The following SMIM9 variants were observed in gnomAD, a reference collection of about 807,000 sequenced individuals.
SMIM9 encodes chromosome X open reading frame 68.
Under a neutral mutation model 7.2 loss-of-function variants are expected in SMIM9, and 8 were observed. The observed-to-expected ratio is 1.10, with a 90% CI of 0.65 to 1.99. The LOEUF (loss-of-function observed/expected upper bound fraction) is 1.99. Ranked by LOEUF, SMIM9 falls within the 30% of genes most tolerant of loss-of-function variation. The pLI is 0.00. For missense variants in SMIM9, 76 were observed against 69.3 expected (o/e 1.10, Z -0.34); for synonymous variants, 19 against 26.4 (o/e 0.72, Z 0.86).
At chrX:154,825,281 A>G (rs1298082304) in intron 4 of SMIM9, among the ~76,000 whole-genome samples, 1 of 109,966 alleles carries the variant, frequency 9.1e-6, no homozygotes, top group Non-Finnish European at 1.9e-5. Context: ...AATCCCAGCT[A>G]CTCAGGAGGC....
At chrX:154,828,634 G>C (rs1211059371) in intron 4 of SMIM9, among the ~76,000 whole-genome samples, 8 of 111,713 alleles carry the variant, frequency 7.2e-5, no homozygotes, top group Admixed American at 1.9e-4. Flanking sequence ...CTGGCTTATG[G>C]TTTCTCTGGC....
At chrX:154,832,219 G>A (rs1424903896) in intron 2 of SMIM9, among the ~76,000 whole-genome samples, 2 of 111,220 alleles carry the variant, frequency 1.8e-5, no homozygotes, top group Non-Finnish European at 3.8e-5. Context: ...CATCCTTGAA[G>A]TTAGGCATGG....
At chrX:154,824,355 C>CAAAAAAAAAAAAAAAAAAAAAAAAA (rs375492512) in intron 4 of SMIM9, among the ~76,000 whole-genome samples, 1 of 42,445 alleles carries the variant, frequency 2.4e-5, no homozygotes, top group Admixed American at 3.7e-4. Context: ...GACTCCGTCT[C>CAAAAAAAAAAAAAAAAAAAAAAAAA]AAAAAAAAAA....
chrX:154,831,481 T>C (rs1422993968), intron 2 of SMIM9, among the ~76,000 whole-genome samples: 2 of 112,071 alleles, frequency 1.8e-5, no homozygotes, highest in Middle Eastern at 4.2e-3. Flanking sequence ...ACTTTATCCA[T>C]CAGAAAAGTC....
chrX:154,828,994 C>T (rs1309474530), intron 4 of SMIM9, among the ~76,000 whole-genome samples: 2 of 111,894 alleles, frequency 1.8e-5, no homozygotes, highest in Admixed American at 9.5e-5. Context: ...TAGCAATGAC[C>T]TACCAATTTG....
At position 154,829,632 on chromosome X, in the gene SMIM9, C is replaced by A; in HGVS notation, c.175G>T (p.Asp59Tyr). 2 of 1,167,584 alleles carry A rather than the reference C, an allele frequency of 1.7e-6. No individual in the cohort carries two copies. Among genetic ancestry groups the A allele is most frequent in the Non-Finnish European group, 2.3e-6 (2 of 872,848 alleles). Reference protein sequence around the residue: ...NHRSWLNNFRDYLWQLIKSAL... With the variant: ...NHRSWLNNFRYYLWQLIKSAL... The stretch of plus-strand genomic sequence containing the variant: ...CTCTTGATAAGTTGCCATAAGTAAT[C>A]CCTGAAGTTGTTCAGCCAGGACCTG... Residue 59 changes from aspartate (D) to tyrosine (Y), a missense_variant, in exon 4 of 5, where the codon GAT (aspartate) becomes TAT (tyrosine). Physicochemically the swap from Asp to Tyr is radical, Grantham distance 160 (BLOSUM62 -3). Coordinates refer to ENST00000369529, the MANE Select transcript of SMIM9 (RefSeq NM_001162936.4).
Position 154,830,931 on chromosome X carries a change from G to A in SMIM9, c.-75C>T, listed in dbSNP as rs1176188482. The A allele has an allele frequency of 1.3e-5, 13 of 1,039,196 alleles. No homozygotes were observed. The highest frequency in any genetic ancestry group is 6.8e-5 in the East Asian group (2 of 29,413). 85.6% of individuals were successfully genotyped at this position (1,039,196 alleles called of 1,213,427 possible). ...CTGCCAAGGAGAGATGTCTTTGTCC[G>A]TAGGTCTTTCCACAGAAACTTTGTC... On this transcript the variant is annotated 5_prime_UTR_variant, in exon 3 of 5. In the 5' UTR this introduces an upstream ATG that the reference lacks. Coordinates refer to ENST00000369529, the MANE Select transcript of SMIM9 (RefSeq NM_001162936.4).
chrX:154,826,891 G>A (rs1053810378), intron 4 of SMIM9, among the ~76,000 whole-genome samples: 17 of 112,701 alleles, frequency 1.5e-4, no homozygotes, highest in African/African-American at 5.5e-4. Context: ...AGCAGCAGAT[G>A]TAGGTCTGAG....
intron 4 of SMIM9, 125 bp downstream of exon 4, chrX:154,829,410 G>T: frequency 1.2e-6 from 1 of 855,534 alleles, no homozygotes; most frequent in African/African-American, 2.0e-5. Flanking sequence ...TTTCCTCCCA[G>T]AATTGAATTT....
rs2072435683 is a variant in SMIM9 at position 154,829,561 on chromosome X, T to C, written c.246A>G (p.Ala82=). 2 of 1,165,858 alleles carry C rather than the reference T, an allele frequency of 1.7e-6. No individual in the cohort carries two copies. Among genetic ancestry groups the C allele is most frequent in the Admixed American group, 2.6e-5 (1 of 38,375 alleles). Residue 82 remains alanine (A), a synonymous_variant, in exon 4 of 5, where the codon GCA becomes GCG. Transcript: ENST00000369529. ...AAIVAFLLTS[A]LMGILCCFTI... is the part of the protein sequence containing the mutation. ...TGAAGCAGCAGAGGATCCCCATTAG[T>C]GCTGAGGTGAGAAGAAAAGCAACAA...
chrX:154,830,572 G>C, intron 3 of SMIM9, 143 bp downstream of exon 3: 5 of 758,566 alleles, frequency 6.6e-6, no homozygotes, highest in Non-Finnish European at 9.3e-6. Flanking sequence ...AATGCTTGTT[G>C]AACTAAATTG....
intron 4 of SMIM9, among the ~76,000 whole-genome samples, chrX:154,824,064 G>C (rs1359786765): frequency 9.0e-6 from 1 of 111,349 alleles, no homozygotes; most frequent in Admixed American, 9.5e-5. Flanking sequence ...ATTGTAGAAA[G>C]ATCAGAAAGT....
At chrX:154,825,262 C>T (rs1032469431) in intron 4 of SMIM9, among the ~76,000 whole-genome samples, 42 of 110,345 alleles carry the variant, frequency 3.8e-4, no homozygotes, top group Middle Eastern at 4.6e-3. Flanking sequence ...CGTGGTGACG[C>T]GTGCCTGTAA....
chrX:154,825,105 C>G (rs1416592863), intron 4 of SMIM9, among the ~76,000 whole-genome samples: 1 of 111,944 alleles, frequency 8.9e-6, no homozygotes, highest in Non-Finnish European at 1.9e-5. Flanking sequence ...AAAATTATAA[C>G]TTGGCTGGGC....
chrX:154,823,487 T>G lies in SMIM9; in HGVS notation c.*268A>C. 3.7e-6 allele frequency: 1 copy of G among 272,957 alleles called. No homozygotes were observed. 22.5% of individuals were successfully genotyped at this position (272,957 alleles called of 1,213,427 possible). On this transcript the variant is annotated 3_prime_UTR_variant, in exon 5 of 5. Transcript: ENST00000369529. ...GATGTTTATTTCTGGTTGCTAGAAT[T>G]ATGGAAACTTACTCTTTTCTCTGTA...
At position 154,823,714 on chromosome X, in the gene SMIM9, A is replaced by G. The variant is rs1191678893; in HGVS notation, c.*41T>C. ...AAATGCCCCACTCTTTTGGAGTCCA[A>G]CTGGAGAGACCACACTTGCCCTGTT... On this transcript the variant is annotated 3_prime_UTR_variant, in exon 5 of 5. Transcript: ENST00000369529. 8.8e-6 allele frequency: 10 copies of G among 1,131,558 alleles called. No individual in the cohort carries two copies. Among genetic ancestry groups the G allele is most frequent in the South Asian group, 2.1e-5 (1 of 47,647 alleles). 93.3% of individuals were successfully genotyped at this position (1,131,558 alleles called of 1,213,427 possible).
intron 4 of SMIM9, 53 bp downstream of exon 4, chrX:154,829,482 C>T (rs2072434990): frequency 1.7e-6 from 2 of 1,148,145 alleles, no homozygotes; most frequent in Admixed American, 5.3e-5. Flanking sequence ...CTGTTCCCAC[C>T]CCCCTTCACA....
At chrX:154,833,465 A>C in intron 1 of SMIM9, among the ~76,000 whole-genome samples, 1 of 111,794 alleles carries the variant, frequency 8.9e-6, no homozygotes, top group Non-Finnish European at 1.9e-5. Flanking sequence ...TCTCTACAAA[A>C]AATTTAAAAA....
chrX:154,826,357 C>A (rs1384591365), intron 4 of SMIM9, among the ~76,000 whole-genome samples: 1 of 111,089 alleles, frequency 9.0e-6, no homozygotes, highest in African/African-American at 3.3e-5. Context: ...GATTTTCCAA[C>A]TAATTTTCAT....
Sources: allele counts gnomAD v4.1 joint callset (sites outside exome capture counted in the v4.1 genomes callset), GRCh38; gene constraint gnomAD v4.1.1; transcripts MANE v1.5; gene names NCBI Gene and HGNC (gene_info 2026-07-23, HGNC 2026-07-21).